Variants in EYA2 observed in about 807,000 individuals in gnomAD.
EYA2 encodes protein phosphatase EYA2.
EYA2 carries 31 observed loss-of-function variants against 69.2 expected under a neutral mutation model. The ratio of observed to expected loss-of-function variants is 0.45; its 90% CI spans 0.34 to 0.60. The LOEUF (loss-of-function observed/expected upper bound fraction) is 0.60, where lower values mean the gene tolerates loss of function less well. EYA2 is among the 20% of genes least tolerant of loss of function. The probability of loss-of-function intolerance (pLI) is 0.02; values close to 1 mark genes in which losing one functional copy is unlikely to be tolerated. For missense variants in EYA2, 622 were observed against 701.2 expected, an observed-to-expected ratio of 0.89 and a Z score of 1.28; for synonymous variants, 257 against 279.4, an observed-to-expected ratio of 0.92 and a Z score of 0.80.
chr20:46,974,211 T>G (rs2146303661), intron 1 of EYA2, among the ~76,000 whole-genome samples: 1 of 152,356 alleles, frequency 6.6e-6, no homozygotes, highest in Non-Finnish European at 1.5e-5. Context: ...CGTGAACTAC[T>G]ATTATTTTCA....
chr20:46,953,833 G>T (rs1206760), intron 1 of EYA2, among the ~76,000 whole-genome samples: 4 of 151,944 alleles, frequency 2.6e-5, no homozygotes, highest in African/African-American at 9.7e-5. Flanking sequence ...CATAGATCGC[G>T]TGAATAAGTA....
At chr20:47,001,367 A>T in intron 2 of EYA2, 61 bp from the exon 3 acceptor site, 1 of 1,468,986 alleles carries the variant, frequency 6.8e-7, no homozygotes, top group Non-Finnish European at 9.5e-7. Context: ...TGAAGTCACC[A>T]CCTCTGCAGA....
chr20:47,105,815 T>C (rs1320675211), intron 9 of EYA2, among the ~76,000 whole-genome samples: 1 of 152,066 alleles, frequency 6.6e-6, no homozygotes, highest in Non-Finnish European at 1.5e-5. Context: ...AGAAACAGAG[T>C]AATCAAGCTC....
At chr20:46,899,622 T>G (rs1352016422) in intron 1 of EYA2, among the ~76,000 whole-genome samples, 1 of 152,188 alleles carries the variant, frequency 6.6e-6, no homozygotes, top group Non-Finnish European at 1.5e-5. Context: ...TGTTTCGGGT[T>G]AGATTTTAAA....
intron 9 of EYA2, among the ~76,000 whole-genome samples, chr20:47,102,815 G>A (rs182970713): frequency 1.9e-4 from 29 of 152,282 alleles, no homozygotes; most frequent in Admixed American, 1.6e-3. Flanking sequence ...AGCTGGAGCA[G>A]CCAGTGACTG....
chr20:46,897,420 C>G (rs1158249812), intron 1 of EYA2, among the ~76,000 whole-genome samples: 2 of 152,210 alleles, frequency 1.3e-5, no homozygotes, highest in Non-Finnish European at 2.9e-5. Flanking sequence ...ACTCCTTTCC[C>G]ACAAAGAAGA....
intron 1 of EYA2, among the ~76,000 whole-genome samples, chr20:46,927,108 C>T (rs968248816): frequency 2.0e-5 from 3 of 152,182 alleles, no homozygotes; most frequent in South Asian, 2.1e-4. Context: ...AAGGTAGCCT[C>T]GTGCTGGGCG....
chr20:47,047,353 A>G (rs2030094152), intron 5 of EYA2, among the ~76,000 whole-genome samples: 2 of 152,138 alleles, frequency 1.3e-5, no homozygotes, highest in Non-Finnish European at 2.9e-5. Context: ...AAGCCTAAGA[A>G]AAAAGATGAG....
intron 9 of EYA2, among the ~76,000 whole-genome samples, chr20:47,119,599 A>G (rs1299922604): frequency 6.6e-6 from 1 of 152,258 alleles, no homozygotes; most frequent in Non-Finnish European, 1.5e-5. Flanking sequence ...TGAAATACCC[A>G]GAAGAGGTCA....
chr20:47,173,645 A>C (rs926909805), intron 12 of EYA2, among the ~76,000 whole-genome samples: 2 of 151,406 alleles, frequency 1.3e-5, no homozygotes, highest in Admixed American at 1.3e-4. Context: ...GTCTCAAACT[A>C]CTTCTGGCCT....
intron 7 of EYA2, among the ~76,000 whole-genome samples, chr20:47,088,462 C>T (rs7348903): frequency 1.3e-5 from 2 of 152,144 alleles, no homozygotes; most frequent in African/African-American, 4.8e-5. Context: ...AAATGCATAA[C>T]TCCTCCATCA....
chr20:47,186,990 T>A (rs2034655737), intron 15 of EYA2, among the ~76,000 whole-genome samples: 1 of 151,468 alleles, frequency 6.6e-6, no homozygotes, highest in Non-Finnish European at 1.5e-5. Flanking sequence ...GCCCAAGAGA[T>A]CAAGGCTGCA....
At chr20:46,988,423 A>G (rs1190468309) in intron 1 of EYA2, among the ~76,000 whole-genome samples, 3 of 152,174 alleles carry the variant, frequency 2.0e-5, no homozygotes, top group Non-Finnish European at 4.4e-5. Flanking sequence ...TGGGTAGCAC[A>G]CTGGGATGTG....
rs534882115 is a variant in EYA2, at chr20:47,032,517, A to G, written c.415+16220A>G. Among the ~76,000 whole-genome samples the G allele has an allele frequency of 2.0e-5, 3 of 152,166 alleles. No homozygotes were observed. In the South Asian group the frequency reaches 6.2e-4, roughly 32 times the overall value. On this transcript the variant is annotated intron_variant, in intron 5 of 15. Coordinates refer to ENST00000327619, the MANE Select transcript of EYA2 (RefSeq NM_005244.5). ...CCAGTAGAAAATCCTGTTTTTTTAAACACAAGTAATATCTTGGTGTGCATC... is the reference window on the plus strand; with the variant it reads ...CCAGTAGAAAATCCTGTTTTTTTAAGCACAAGTAATATCTTGGTGTGCATC...
At chr20:47,079,795 T>TAAA (rs34042014) in intron 7 of EYA2, among the ~76,000 whole-genome samples, 1 of 146,204 alleles carries the variant, frequency 6.8e-6, no homozygotes, top group Non-Finnish European at 1.5e-5. Flanking sequence ...TGTGATAGGT[T>TAAA]AAAAAAAAAA....
intron 5 of EYA2, among the ~76,000 whole-genome samples, chr20:47,050,952 C>T (rs1353756951): frequency 6.6e-6 from 1 of 152,250 alleles, no homozygotes; most frequent in African/African-American, 2.4e-5. Flanking sequence ...ACGAGGCATT[C>T]GAGCATTGCC....
At chr20:46,987,919 T>TCTCTCTCTCTCTCC (rs1981344158) in intron 1 of EYA2, among the ~76,000 whole-genome samples, 1 of 18,752 alleles carries the variant, frequency 5.3e-5, no homozygotes, top group Non-Finnish European at 9.1e-5. Context: ...AGAGTAAGTC[T>TCTCTCTCTCTCTCC]CTCTCTCTCT....
intron 7 of EYA2, among the ~76,000 whole-genome samples, chr20:47,085,889 T>C (rs931353671): frequency 2.0e-5 from 3 of 152,168 alleles, no homozygotes; most frequent in Non-Finnish European, 4.4e-5. Flanking sequence ...CTTGGGGTGC[T>C]GGATTTGTTT....
chr20:47,135,384 A>C (rs1029806923), intron 9 of EYA2, among the ~76,000 whole-genome samples: 50 of 152,250 alleles, frequency 3.3e-4, no homozygotes, highest in African/African-American at 1.1e-3. Context: ...ACTGGCCTTG[A>C]TCAGAGGTAG....
Sources: allele counts gnomAD v4.1 joint callset (sites outside exome capture counted in the v4.1 genomes callset), GRCh38; gene constraint gnomAD v4.1.1; transcripts MANE v1.5; gene names NCBI Gene and HGNC (gene_info 2026-07-23, HGNC 2026-07-21).